The following MTCL2 variants were observed in gnomAD, a reference collection of about 807,000 sequenced individuals.
The protein encoded by MTCL2 is microtubule cross-linking factor 2.
chr20:36,794,735 G>T, the MTCL2 span: 4 of 1,096,904 alleles, frequency 3.6e-6, no homozygotes, highest in Non-Finnish European at 4.1e-6. The surrounding 1 kb of genome is among the most constrained non-coding windows in gnomAD (Gnocchi z 5.4). Context: ...TAGAGATGTT[G>T]TTGGTGCCCA....
At chr20:36,790,337 A>C in the MTCL2 span, among the ~76,000 whole-genome samples, 642 of 151,010 alleles carry the variant, frequency 4.3e-3, 6 homozygotes, top group African/African-American at 0.015. Flanking sequence ...TACGTTGGCC[A>C]GGCTGGTCTC....
chr20:36,785,062 G>A, the MTCL2 span: 2 of 985,432 alleles, frequency 2.0e-6, no homozygotes, highest in Non-Finnish European at 2.4e-6. Flanking sequence ...TGGCCGTCCA[G>A]CCCTCCACCT....
At chr20:36,787,953 C>T in the MTCL2 span, among the ~76,000 whole-genome samples, 1 of 146,438 alleles carries the variant, frequency 6.8e-6, no homozygotes, top group African/African-American at 2.6e-5. Context: ...GTAATGCCAG[C>T]ACTTTGGGAG....
chr20:36,809,949 A>G, the MTCL2 span: 36 of 1,582,804 alleles, frequency 2.3e-5, no homozygotes, highest in Non-Finnish European at 2.8e-5. Flanking sequence ...GGCTGTAGGA[A>G]TAGCTGCCTG....
the MTCL2 span, chr20:36,802,980 G>A: frequency 6.3e-7 from 1 of 1,591,670 alleles, no homozygotes; most frequent in Non-Finnish European, 8.6e-7. Flanking sequence ...CAGCTGCCGA[G>A]TCAGCTCCAT....
At chr20:36,844,405 AT>A in the MTCL2 span, among the ~76,000 whole-genome samples, 1 of 150,364 alleles carries the variant, frequency 6.7e-6, no homozygotes, top group African/African-American at 2.4e-5. Flanking sequence ...AAAAAAAATA[AT>A]AATAATAATA....
the MTCL2 span, chr20:36,815,820 A>T: frequency 6.3e-7 from 1 of 1,595,338 alleles, no homozygotes; most frequent in South Asian, 1.1e-5. This position sits in a 1 kb window ranked among gnomAD's most constrained non-coding sequence, Gnocchi z 5.3. Flanking sequence ...CAGCTCGTTC[A>T]GCAGCAGCTT....
At chr20:36,839,718 G>A in the MTCL2 span, among the ~76,000 whole-genome samples, 5 of 152,212 alleles carry the variant, frequency 3.3e-5, no homozygotes, top group Non-Finnish European at 7.3e-5. This position sits in a 1 kb window ranked among gnomAD's most constrained non-coding sequence, Gnocchi z 5.1. Context: ...TTGGAGGAAG[G>A]GGCTGTGATG....
the MTCL2 span, among the ~76,000 whole-genome samples, chr20:36,825,832 C>A: frequency 6.6e-6 from 1 of 152,168 alleles, no homozygotes; most frequent in Non-Finnish European, 1.5e-5. Context: ...TGTGCACAAG[C>A]CTGAGACACC....
At chr20:36,808,474 A>T in the MTCL2 span, 1 of 1,536,890 alleles carries the variant, frequency 6.5e-7, no homozygotes, top group Non-Finnish European at 8.8e-7. Context: ...CTCTCTCCCC[A>T]GCCCACACTC....
chr20:36,797,555 G>A, the MTCL2 span: 8 of 1,557,136 alleles, frequency 5.1e-6, no homozygotes, highest in Non-Finnish European at 6.1e-6. Context: ...AGGACCCAGG[G>A]GTCGGCAGCC....
the MTCL2 span, among the ~76,000 whole-genome samples, chr20:36,820,019 C>A: frequency 1.6e-4 from 24 of 152,278 alleles, no homozygotes; most frequent in Admixed American, 8.5e-4. Flanking sequence ...CAGAAGCAGA[C>A]CCCCGTATAG....
At chr20:36,847,496 C>T in the MTCL2 span, among the ~76,000 whole-genome samples, 8 of 152,106 alleles carry the variant, frequency 5.3e-5, no homozygotes, top group African/African-American at 1.9e-4. Flanking sequence ...CAGCATCACC[C>T]AGGGCAGACC....
At chr20:36,803,170 T>C in the MTCL2 span, 1 of 1,518,952 alleles carries the variant, frequency 6.6e-7, no homozygotes, top group East Asian at 2.4e-5. Flanking sequence ...CCCTTCTCTC[T>C]CCTTCCCTCC....
chr20:36,787,421 T>G, the MTCL2 span, among the ~76,000 whole-genome samples: 1 of 151,782 alleles, frequency 6.6e-6, no homozygotes, highest in South Asian at 2.1e-4. Context: ...AGAGAGGGGA[T>G]TTTAGCATGT....
the MTCL2 span, among the ~76,000 whole-genome samples, chr20:36,823,754 A>G: frequency 0.013 from 2,021 of 152,226 alleles, 45 homozygotes; most frequent in African/African-American, 0.046. Flanking sequence ...GCTGCAATGA[A>G]CCATGATCGT....
chr20:36,809,950 T>A, the MTCL2 span: 1 of 1,583,562 alleles, frequency 6.3e-7, no homozygotes, highest in Non-Finnish European at 8.6e-7. Context: ...GCTGTAGGAA[T>A]AGCTGCCTGG....
the MTCL2 span, among the ~76,000 whole-genome samples, chr20:36,806,429 C>A: frequency 6.6e-6 from 1 of 152,176 alleles, no homozygotes; most frequent in Non-Finnish European, 1.5e-5. Context: ...AGCCACCATG[C>A]CCAGCATGAT....
At chr20:36,842,487 A>G in the MTCL2 span, among the ~76,000 whole-genome samples, 6 of 152,292 alleles carry the variant, frequency 3.9e-5, no homozygotes, top group East Asian at 9.7e-4. Flanking sequence ...AAGAAGGGAA[A>G]CTGGCCAGGT....
Sources: allele counts gnomAD v4.1 joint callset (sites outside exome capture counted in the v4.1 genomes callset), GRCh38; gene constraint gnomAD v4.1.1; non-coding constraint Gnocchi (gnomAD v3.1); transcripts MANE v1.5; gene names NCBI Gene and HGNC (gene_info 2026-07-23, HGNC 2026-07-21).